The following PHACTR2 variants were observed in gnomAD, a reference collection of about 807,000 sequenced individuals.
The protein encoded by PHACTR2 is chromosome 6 open reading frame 56.
In PHACTR2, 30 loss-of-function variants were observed where a neutral mutation model predicts 76.0. The ratio of observed to expected loss-of-function variants is 0.39; its 90% CI spans 0.30 to 0.54. The LOEUF is 0.54. Ranked by LOEUF, PHACTR2 falls within the 20% of genes least tolerant of loss-of-function variation. The pLI is 0.61. For missense variants in PHACTR2, 696 were observed against 781.1 expected (o/e 0.89, Z 1.30); for synonymous variants, 292 against 292.5 (o/e 1.00, Z 0.02).
rs77249401 is a variant in PHACTR2 at position 143,683,887 on chromosome 6, A to T, written c.46+5678A>T. On this transcript the variant is annotated intron_variant, in intron 1 of 12. Transcript: ENST00000440869. The surrounding 1 kb of genome is among the most constrained non-coding windows in gnomAD (Gnocchi z 4.1). ...GTTTTTTTCATTCCACACAGTTTTC[A>T]TTCATAGATATATCTTTATCAGCAG... Among the ~76,000 whole-genome samples the T allele has an allele frequency of 0.019, 2,887 of 152,282 alleles. 71 individuals carry two copies. Among genetic ancestry groups the T allele is most frequent in the African/African-American group, 0.066 (2,724 of 41,548 alleles).
chr6:143,616,247 T>C lies in PHACTR2; in HGVS notation c.13+7925T>C, dbSNP rs191909334. ...TTCTAATTAGGAATAGTGATTGAAATTGTGCCTCAGGACTGGACTTTAGAA... is the reference window on the plus strand; with the variant it reads ...TTCTAATTAGGAATAGTGATTGAAACTGTGCCTCAGGACTGGACTTTAGAA... On this transcript the variant is annotated intron_variant, in intron 1 of 11. Transcript: ENST00000305766. This position sits in a 1 kb window ranked among gnomAD's most constrained non-coding sequence, Gnocchi z 4.9. Among the ~76,000 whole-genome samples the C allele has an allele frequency of 6.6e-6, 1 of 152,364 alleles. No individual in the cohort carries two copies. The highest frequency in any genetic ancestry group is 2.4e-5 in the African/African-American group (1 of 41,588).
At chr6:143,545,091 G>A (rs909532882) in intron 1 of PHACTR2, among the ~76,000 whole-genome samples, 1 of 152,032 alleles carries the variant, frequency 6.6e-6, no homozygotes, top group Non-Finnish European at 1.5e-5. Flanking sequence ...CTACAGGCAT[G>A]TGCCATCATG....
chr6:143,624,340 CAG>C lies in PHACTR2; in HGVS notation c.13+16019_13+16020del, dbSNP rs1277603199. Reference sequence around the variant, plus strand: ...CAGGCTGGTCTCGAACTCCTGACCTCAGGTGATCCACCCACCTTGGCCTCCTA... The same window carrying C: ...CAGGCTGGTCTCGAACTCCTGACCTCGTGATCCACCCACCTTGGCCTCCTA... On this transcript the variant is annotated intron_variant, in intron 1 of 11. Coordinates refer to the PHACTR2 transcript ENST00000305766. This position sits in a 1 kb window ranked among gnomAD's most constrained non-coding sequence, Gnocchi z 4.6. Among the ~76,000 whole-genome samples, 1 of 152,152 alleles carries C rather than the reference CAG, an allele frequency of 6.6e-6. No homozygotes were observed. Among genetic ancestry groups the C allele is most frequent in the Non-Finnish European group, 1.5e-5 (1 of 68,028 alleles).
rs767085362 is a variant in PHACTR2 at position 143,583,607 on chromosome 6, G to C, written c.217+46400G>C. ...CAGTGTGTTAGTATGGAGAGAGCGA[G>C]GGCTAAAGTAGAGACTGTAGATATT... is the stretch of plus-strand genomic sequence containing the variant. On this transcript the variant is annotated intron_variant, in intron 1 of 11. Transcript: ENST00000367584. The surrounding 1 kb of genome is among the most constrained non-coding windows in gnomAD (Gnocchi z 4.0). Among the ~76,000 whole-genome samples, 1 of 152,242 alleles carries C rather than the reference G, an allele frequency of 6.6e-6. No homozygotes were observed. Among genetic ancestry groups the C allele is most frequent in the Non-Finnish European group, 1.5e-5 (1 of 68,036 alleles).
chr6:143,803,095 A>C lies in PHACTR2; in HGVS notation c.1846-3962A>C, dbSNP rs1775994046. Reference sequence around the variant, plus strand: ...AAGCTCATATTAATGGAAAGACTGTAGGATGTGAGGTTAAAAGGCTTGTGT... The same window carrying C: ...AAGCTCATATTAATGGAAAGACTGTCGGATGTGAGGTTAAAAGGCTTGTGT... On this transcript the variant is annotated intron_variant, in intron 11 of 12. Transcript: ENST00000440869. The surrounding 1 kb of genome is among the most constrained non-coding windows in gnomAD (Gnocchi z 4.7). Among the ~76,000 whole-genome samples, 1 of 152,212 alleles carries C rather than the reference A, an allele frequency of 6.6e-6. No homozygotes were observed. The highest frequency in any genetic ancestry group is 1.5e-5 in the Non-Finnish European group (1 of 68,040).
intron 2 of PHACTR2, among the ~76,000 whole-genome samples, chr6:143,744,438 T>C (rs909951543): frequency 6.6e-6 from 1 of 152,224 alleles, no homozygotes; most frequent in Non-Finnish European, 1.5e-5. Flanking sequence ...AATGAGATTA[T>C]ACTTACACAT....
chr6:143,792,745 G>A (rs539692749), intron 11 of PHACTR2, among the ~76,000 whole-genome samples: 46 of 152,208 alleles, frequency 3.0e-4, no homozygotes, highest in African/African-American at 1.0e-3. Context: ...CTCCTAGTCC[G>A]CCAAACTACC....
Position 143,806,973 on chromosome 6 carries a change from G to T in PHACTR2, c.1846-84G>T. 1 of 618,884 alleles carries T rather than the reference G, an allele frequency of 1.6e-6. No individual in the cohort carries two copies. The highest frequency in any genetic ancestry group is 2.8e-6 in the Non-Finnish European group (1 of 361,514). The allele number at this position is 618,884 out of a possible 1,614,324, so 38.3% of individuals were successfully genotyped here. A position where few individuals can be genotyped will look rare whatever the true frequency, so the allele number is the denominator to read the frequency against. ...CTCTATCTCTTAAAAAAAAAAAAAA[G>T]GTCTGCTTCATTGATGCTGTATATA... On this transcript the variant is annotated intron_variant, in intron 11 of 12. Transcript: ENST00000440869. The surrounding 1 kb of genome is among the most constrained non-coding windows in gnomAD (Gnocchi z 5.8).
Position 143,639,201 on chromosome 6 carries a change from A to G in PHACTR2, c.13+30879A>G, listed in dbSNP as rs1776521825. Among the ~76,000 whole-genome samples the G allele has an allele frequency of 6.6e-6, 1 of 152,378 alleles. No homozygotes were observed. The highest frequency in any genetic ancestry group is 1.9e-4 in the East Asian group (1 of 5,190). On this transcript the variant is annotated intron_variant, in intron 1 of 11. Coordinates refer to the PHACTR2 transcript ENST00000305766. The surrounding 1 kb of genome is among the most constrained non-coding windows in gnomAD (Gnocchi z 5.0). ...ATGAGCCACCAATGACATGCTTCAT[A>G]AAATGACAATTGCTGCAAAGTACCT...
At position 143,653,055 on chromosome 6, in the gene PHACTR2, C is replaced by T. The variant is rs561809692; in HGVS notation, c.13+44733C>T. ...AGCTGCAACTGGCAAGAGAATTGTA[C>T]TTGATGGCACACGGTGTGATGGTTG... is the stretch of plus-strand genomic sequence containing the variant. On this transcript the variant is annotated intron_variant, in intron 1 of 11. Coordinates refer to the PHACTR2 transcript ENST00000305766. This position sits in a 1 kb window ranked among gnomAD's most constrained non-coding sequence, Gnocchi z 4.9. 6.6e-6 allele frequency among the ~76,000 whole-genome samples: 1 copy of T among 152,314 alleles called. No individual in the cohort carries two copies. The highest frequency in any genetic ancestry group is 1.9e-4 in the East Asian group (1 of 5,174).
At chr6:143,771,182 ATATATATGTGTG>A (rs1271375025) in intron 6 of PHACTR2, among the ~76,000 whole-genome samples, 1,354 of 45,094 alleles carry the variant, frequency 0.03, 10 homozygotes, top group East Asian at 0.065. Flanking sequence ...ATGTATATAT[ATATATATGTGTG>A]TATATATATA....
In PHACTR2 at chr6:143,557,444, G is replaced by A. The variant is rs1427667613; in HGVS notation, c.217+20237G>A. 1 of 152,304 alleles carries A rather than the reference G, an allele frequency of 6.6e-6. No homozygotes were observed. The highest frequency in any genetic ancestry group is 2.4e-5 in the African/African-American group (1 of 41,446). 9.4% of individuals were successfully genotyped at this position (152,304 alleles called of 1,614,324 possible). The stretch of plus-strand genomic sequence containing the variant: ...CCCCATTCGTTGCACTCCCACATTT[G>A]CTGGAACTGGAGCTTTGGGTGGGAT... On this transcript the variant is annotated intron_variant, in intron 1 of 11. Transcript: ENST00000367584. This position sits in a 1 kb window ranked among gnomAD's most constrained non-coding sequence, Gnocchi z 5.5.
intron 12 of PHACTR2, among the ~76,000 whole-genome samples, chr6:143,815,866 T>A (rs1776284160): frequency 1.4e-5 from 2 of 141,482 alleles, no homozygotes; most frequent in South Asian, 2.2e-4. Context: ...CACACTAGCC[T>A]AGGCAAAAGA....
At chr6:143,544,281 T>C (rs1781201251) in intron 1 of PHACTR2, among the ~76,000 whole-genome samples, 1 of 122,044 alleles carries the variant, frequency 8.2e-6, no homozygotes, top group Admixed American at 7.6e-5. Context: ...CAGGCTCCCA[T>C]ATCAAATAAA....
chr6:143,777,400 A>T lies in PHACTR2; in HGVS notation c.1645+17A>T. On this transcript the variant is annotated intron_variant, in intron 9 of 12. Coordinates refer to ENST00000440869, the MANE Select transcript of PHACTR2 (RefSeq NM_001100164.2). This position sits in a 1 kb window ranked among gnomAD's most constrained non-coding sequence, Gnocchi z 4.6. The stretch of plus-strand genomic sequence containing the variant: ...TCCTAAAACGTGAGTATTCTATACT[A>T]TAGAATGATTCCTTGTGTAATCGCT... 7.0e-7 allele frequency: 1 copy of T among 1,438,020 alleles called. No individual in the cohort carries two copies. The highest frequency in any genetic ancestry group is 9.7e-7 in the Non-Finnish European group (1 of 1,032,908). 89.1% of individuals were successfully genotyped at this position (1,438,020 alleles called of 1,614,324 possible).
Position 143,800,521 on chromosome 6 carries a change from A to G in PHACTR2, c.1846-6536A>G, listed in dbSNP as rs1775930278. 1.3e-5 allele frequency among the ~76,000 whole-genome samples: 2 copies of G among 152,172 alleles called. No homozygotes were observed. The highest frequency in any genetic ancestry group is 1.3e-4 in the Admixed American group (2 of 15,276). On this transcript the variant is annotated intron_variant, in intron 11 of 12. Transcript: ENST00000440869. The surrounding 1 kb of genome is among the most constrained non-coding windows in gnomAD (Gnocchi z 4.8). ...CGTGATCTGCCTGCATCGGCCTCCCAAAGTGCTGGGATTACAGGTGTGAGC... is the reference window on the plus strand; with the variant it reads ...CGTGATCTGCCTGCATCGGCCTCCCGAAGTGCTGGGATTACAGGTGTGAGC...
intron 1 of PHACTR2, among the ~76,000 whole-genome samples, chr6:143,588,883 C>A (rs1435625883): frequency 2.6e-5 from 4 of 152,142 alleles, no homozygotes; most frequent in Non-Finnish European, 5.9e-5. Flanking sequence ...CTTACTGAAA[C>A]TGGCTTATGA....
At position 143,680,915 on chromosome 6, in the gene PHACTR2, A is replaced by T. The variant is rs1451055389; in HGVS notation, c.46+2706A>T. 2.0e-5 allele frequency among the ~76,000 whole-genome samples: 3 copies of T among 152,208 alleles called. No homozygotes were observed. In the East Asian group the frequency reaches 5.8e-4, roughly 29 times the overall value. ...AGCATAATGTTTTCAAGGGTCATCC[A>T]TGTTGTAGCATGTATCAGTTGTTCA... On this transcript the variant is annotated intron_variant, in intron 1 of 12. Transcript: ENST00000440869. The surrounding 1 kb of genome is among the most constrained non-coding windows in gnomAD (Gnocchi z 4.5).
Position 143,598,014 on chromosome 6 carries a change from C to A in PHACTR2, c.217+60807C>A, listed in dbSNP as rs7764231. Among the ~76,000 whole-genome samples the A allele has an allele frequency of 2.0e-5, 3 of 151,818 alleles. No homozygotes were observed. Among genetic ancestry groups the A allele is most frequent in the Non-Finnish European group, 4.4e-5 (3 of 67,990 alleles). On this transcript the variant is annotated intron_variant, in intron 1 of 11. Coordinates refer to the PHACTR2 transcript ENST00000367584. The surrounding 1 kb of genome is among the most constrained non-coding windows in gnomAD (Gnocchi z 4.1). ...TTCTGAGCCTGTTCCTGGGGAGAGG[C>A]AACTTTAGTTAAGGTGACTTGATGC...
Sources: allele counts gnomAD v4.1 joint callset (sites outside exome capture counted in the v4.1 genomes callset), GRCh38; gene constraint gnomAD v4.1.1; non-coding constraint Gnocchi (gnomAD v3.1); transcripts MANE v1.5; gene names NCBI Gene and HGNC (gene_info 2026-07-23, HGNC 2026-07-21).